The following RBM26 variants were observed in gnomAD, a reference collection of about 807,000 sequenced individuals.
The protein encoded by RBM26 is RNA binding motif protein 26.
A neutral mutation model predicts 123.6 loss-of-function variants in RBM26; 30 were observed. The observed-to-expected ratio is 0.24, with a 90% confidence interval of 0.18 to 0.33. The LOEUF (loss-of-function observed/expected upper bound fraction) is 0.33, where lower values mean the gene tolerates loss of function less well. Ranked by LOEUF, RBM26 falls within the 10% of genes least tolerant of loss-of-function variation. The pLI is 1.00. For synonymous variants in RBM26, 400 were observed against 404.4 expected (o/e 0.99, Z 0.13); for missense variants, 947 against 1,203.6 (o/e 0.79, Z 3.15).
rs1284450101 is a variant in RBM26, at chr13:79,365,696, G to A, written c.1299C>T (p.Tyr433=). ...TTGTTATGCTTGGGGCTTCAGGATT[G>A]TAGCCATCTGTGTCATATGTATCTG... ...FTADTYDTDG[Y]NPEAPSITNT... The change falls in exon 9 of 22, where the codon TAC becomes TAT. Residue 433 remains tyrosine, a synonymous_variant. Transcript: ENST00000438737. The A allele has an allele frequency of 5.6e-6, 9 of 1,613,684 alleles. No homozygotes were observed. The highest frequency in any genetic ancestry group is 1.1e-5 in the South Asian group (1 of 91,048).
intron 20 of RBM26, among the ~76,000 whole-genome samples, chr13:79,331,918 A>G (rs2069489098): frequency 6.6e-6 from 1 of 152,214 alleles, no homozygotes; most frequent in Non-Finnish European, 1.5e-5. Flanking sequence ...TCTAGGTAAC[A>G]AGGCAGAGTC....
chr13:79,314,779 G>A, downstream of RBM26: 1 of 271,826 alleles, frequency 3.7e-6, no homozygotes, highest in Non-Finnish European at 7.4e-6. Context: ...AATAAGGTCA[G>A]AGCACACATT....
Position 79,320,227 on chromosome 13 carries a change from T to C in RBM26, c.*394A>G. ...TGTTATCTATTCAGTTTTGAAAACA[T>C]TCATTAAGATTTTAAATGCAAATTC... is the stretch of plus-strand genomic sequence containing the variant. On this transcript the variant is annotated 3_prime_UTR_variant, in exon 22 of 22. Transcript: ENST00000438737. 1 of 962,448 alleles carries C rather than the reference T, an allele frequency of 1.0e-6. No homozygotes were observed. Among genetic ancestry groups the C allele is most frequent in the Non-Finnish European group, 1.2e-6 (1 of 807,984 alleles). The allele number at this position is 962,448 out of a possible 1,614,324, so 59.6% of individuals were successfully genotyped here. A position where few individuals can be genotyped will look rare whatever the true frequency, so the allele number is the denominator to read the frequency against.
intron 14 of RBM26, among the ~76,000 whole-genome samples, chr13:79,345,821 G>A (rs1451088180): frequency 1.3e-5 from 2 of 151,990 alleles, no homozygotes; most frequent in East Asian, 3.9e-4. Flanking sequence ...AGGTCAGAGT[G>A]GACAACCTTT....
intron 19 of RBM26, 115 bp downstream of exon 19, chr13:79,336,987 T>A: frequency 1.1e-6 from 1 of 950,862 alleles, no homozygotes; most frequent in Non-Finnish European, 1.6e-6. Context: ...AAACTCTTTG[T>A]TCAGATTAAC....
chr13:79,385,842 T>C (rs992872470), intron 1 of RBM26, among the ~76,000 whole-genome samples: 3 of 152,132 alleles, frequency 2.0e-5, no homozygotes, highest in Admixed American at 6.6e-5. Flanking sequence ...CTCTCTATTC[T>C]GCATTTTTCA....
intron 20 of RBM26, among the ~76,000 whole-genome samples, chr13:79,325,364 G>A (rs1423662455): frequency 1.3e-5 from 2 of 152,126 alleles, no homozygotes; most frequent in East Asian, 3.9e-4. Flanking sequence ...TATGACAGCT[G>A]TGTGTGTGTT....
chr13:79,382,949 G>T (rs554331556), intron 1 of RBM26, among the ~76,000 whole-genome samples: 1 of 152,282 alleles, frequency 6.6e-6, no homozygotes, highest in East Asian at 1.9e-4. Context: ...ATGTCAGAGA[G>T]AACTTGGTAA....
chr13:79,402,778 T>C (rs34684221), intron 1 of RBM26, among the ~76,000 whole-genome samples: 58 of 152,172 alleles, frequency 3.8e-4, no homozygotes, highest in Middle Eastern at 3.2e-3. Context: ...ACCAGGGAAG[T>C]GTTTCCTGAT....
At position 79,357,449 on chromosome 13, in the gene RBM26, C is replaced by T. The variant is rs574548513; in HGVS notation, c.1689+825G>A. On this transcript the variant is annotated intron_variant, in intron 11 of 21. Transcript: ENST00000438737. The stretch of plus-strand genomic sequence containing the variant: ...TTCACCATATCACATAATATAAACT[C>T]AATACTAAAAAAACACCCAAGTTAC... 4.8e-3 allele frequency among the ~76,000 whole-genome samples: 723 copies of T among 151,758 alleles called. 3 individuals carry two copies. Among genetic ancestry groups the T allele is most frequent in the African/African-American group, 0.017 (695 of 41,342 alleles).
intron 18 of RBM26, among the ~76,000 whole-genome samples, chr13:79,338,338 G>A (rs778532575): frequency 1.4e-5 from 2 of 146,732 alleles, no homozygotes; most frequent in South Asian, 2.3e-4. Flanking sequence ...TAGAATGTAC[G>A]TTCCCTCAAG....
intron 1 of RBM26, among the ~76,000 whole-genome samples, chr13:79,386,052 T>C (rs1040736755): frequency 2.0e-5 from 3 of 151,740 alleles, no homozygotes; most frequent in African/African-American, 7.3e-5. Flanking sequence ...CAGAGCTCTA[T>C]GATAAATAGC....
At chr13:79,338,909 ATCAAT>A (rs1283655869) in intron 18 of RBM26, among the ~76,000 whole-genome samples, 9 of 152,200 alleles carry the variant, frequency 5.9e-5, no homozygotes, top group Non-Finnish European at 1.2e-4. Context: ...AAAGGGAGAA[ATCAAT>A]TAAGACTGCC....
intron 1 of RBM26, among the ~76,000 whole-genome samples, chr13:79,386,711 GAA>G (rs1161405781): frequency 1.4e-5 from 2 of 147,416 alleles, no homozygotes; most frequent in East Asian, 4.1e-4. Flanking sequence ...AGTTATCTGA[GAA>G]AAGACTGGTT....
At chr13:79,397,840 A>T in intron 1 of RBM26, among the ~76,000 whole-genome samples, 1 of 152,138 alleles carries the variant, frequency 6.6e-6, no homozygotes, top group East Asian at 1.9e-4. Context: ...ACGTCAATAT[A>T]CAAATATATT....
exon 5 of RBM26, chr13:79,312,821 C>G (rs990905290): frequency 6.6e-6 from 1 of 151,830 alleles, no homozygotes; most frequent in Non-Finnish European, 1.5e-5. Flanking sequence ...TAATAAATCA[C>G]AAGGAATCAG....
At chr13:79,333,386 A>G (rs1042857637) in intron 20 of RBM26, among the ~76,000 whole-genome samples, 1 of 152,124 alleles carries the variant, frequency 6.6e-6, no homozygotes, top group African/African-American at 2.4e-5. Flanking sequence ...TCAGACCCAT[A>G]GTCTTATGGT....
intron 6 of RBM26, among the ~76,000 whole-genome samples, chr13:79,367,432 A>AAAAAAAAAAAAAAAAAAAAT (rs1566476253): frequency 9.4e-5 from 4 of 42,728 alleles, no homozygotes; most frequent in Non-Finnish European, 1.6e-4. Flanking sequence ...AAAAAAAAAA[A>AAAAAAAAAAAAAAAAAAAAT]GAAGAAGAAG....
intron 20 of RBM26, among the ~76,000 whole-genome samples, chr13:79,326,948 T>A (rs1243259396): frequency 8.7e-5 from 13 of 149,400 alleles, no homozygotes; most frequent in Admixed American, 8.0e-4. Context: ...TGAAATAAGG[T>A]GAAAAAGAAA....
Sources: allele counts gnomAD v4.1 joint callset (sites outside exome capture counted in the v4.1 genomes callset), GRCh38; gene constraint gnomAD v4.1.1; transcripts MANE v1.5; gene names NCBI Gene and HGNC (gene_info 2026-07-23, HGNC 2026-07-21).